The following SMYD3 variants were observed in gnomAD, a reference collection of about 807,000 sequenced individuals.
SMYD3 encodes the protein SET and MYND domain containing 3.
Under a neutral mutation model 57.7 loss-of-function variants are expected in SMYD3, and 36 were observed. The observed-to-expected ratio is 0.62, with a 90% CI of 0.48 to 0.82. The LOEUF (loss-of-function observed/expected upper bound fraction) is 0.82, where lower values mean the gene tolerates loss of function less well. SMYD3 is among the 40% of genes least tolerant of loss of function. The probability of loss-of-function intolerance (pLI) is 0.00; values close to 1 mark genes in which losing one functional copy is unlikely to be tolerated. For missense variants in SMYD3, 515 were observed against 538.8 expected (o/e 0.96, Z 0.44); for synonymous variants, 211 against 195.0 (o/e 1.08, Z -0.68).
intron 10 of SMYD3, among the ~76,000 whole-genome samples, chr1:245,793,103 AT>A (rs2047357224): frequency 3.7e-5 from 4 of 108,250 alleles, no homozygotes; most frequent in Non-Finnish European, 8.6e-5. Flanking sequence ...AAATCAGGAG[AT>A]CAAGACCATC....
intron 1 of SMYD3, among the ~76,000 whole-genome samples, chr1:246,381,997 T>C (rs566073290): frequency 1.8e-4 from 26 of 147,426 alleles, no homozygotes; most frequent in African/African-American, 6.4e-4. Context: ...AACCGCGGGC[T>C]CCAGGTCAGT....
At chr1:245,910,698 T>G (rs367628948) in intron 8 of SMYD3, among the ~76,000 whole-genome samples, 2 of 152,194 alleles carry the variant, frequency 1.3e-5, no homozygotes, top group East Asian at 1.9e-4. Context: ...ATAGCCCATA[T>G]GCAAAAGAAT....
At chr1:245,921,252 G>A (rs2055903846) in intron 7 of SMYD3, among the ~76,000 whole-genome samples, 1 of 152,080 alleles carries the variant, frequency 6.6e-6, no homozygotes, top group African/African-American at 2.4e-5. Flanking sequence ...CAGTCAGAAT[G>A]GCTATTACTA....
rs201922728 is a variant in SMYD3 at position 246,452,246 on chromosome 1, CT to C, written c.164+54807del. 1.2e-4 allele frequency among the ~76,000 whole-genome samples: 18 copies of C among 152,252 alleles called. No homozygotes were observed. The East Asian group carries it at 3.3e-3, about 28-fold the overall frequency. On this transcript the variant is annotated intron_variant, in intron 1 of 11. Coordinates refer to ENST00000490107, the MANE Select transcript of SMYD3 (RefSeq NM_001167740.2). ...GCGGGCCAGGGGCGGTGGCTCACACCTGTAATTCTAGCACTTTGGGAGGCCA... is the reference window on the plus strand; with the variant it reads ...GCGGGCCAGGGGCGGTGGCTCACACCGTAATTCTAGCACTTTGGGAGGCCA...
intron 5 of SMYD3, among the ~76,000 whole-genome samples, chr1:246,286,805 A>G (rs941157158): frequency 1.3e-5 from 2 of 152,096 alleles, no homozygotes; most frequent in Non-Finnish European, 2.9e-5. Flanking sequence ...TCCATTGACC[A>G]TCATTATAAA....
chr1:245,829,829 A>G (rs1257209504), intron 10 of SMYD3, among the ~76,000 whole-genome samples: 1 of 152,226 alleles, frequency 6.6e-6, no homozygotes, highest in East Asian at 1.9e-4. Context: ...AACATGCATG[A>G]ACCTTGAAAC....
chr1:246,049,822 C>T (rs1325552409), intron 5 of SMYD3, among the ~76,000 whole-genome samples: 1 of 152,152 alleles, frequency 6.6e-6, no homozygotes, highest in African/African-American at 2.4e-5. Context: ...CAGTGGCTCA[C>T]AAACCCTCGG....
intron 5 of SMYD3, among the ~76,000 whole-genome samples, chr1:246,094,941 G>A (rs969891232): frequency 1.3e-5 from 2 of 152,050 alleles, no homozygotes; most frequent in East Asian, 1.9e-4. Flanking sequence ...CTGTGGCCCT[G>A]AGTGTTTACG....
intron 5 of SMYD3, among the ~76,000 whole-genome samples, chr1:246,159,564 A>C (rs2062080796): frequency 6.6e-6 from 1 of 150,824 alleles, no homozygotes; most frequent in African/African-American, 2.4e-5. Flanking sequence ...GTAGCCCCGA[A>C]AAAAAAAAAA....
At chr1:245,854,713 T>C (rs952711701) in intron 10 of SMYD3, among the ~76,000 whole-genome samples, 4 of 151,994 alleles carry the variant, frequency 2.6e-5, no homozygotes, top group African/African-American at 9.7e-5. Context: ...AAAAGACCTA[T>C]TGGAAATGAG....
chr1:245,750,405 C>T (rs1214216137), intron 11 of SMYD3, among the ~76,000 whole-genome samples: 1 of 152,150 alleles, frequency 6.6e-6, no homozygotes, highest in Non-Finnish European at 1.5e-5. Context: ...GCAGTCTTAG[C>T]CAAGCTCATC....
At chr1:246,114,275 TGA>T (rs1350817198) in intron 5 of SMYD3, among the ~76,000 whole-genome samples, 1 of 152,146 alleles carries the variant, frequency 6.6e-6, no homozygotes, top group Non-Finnish European at 1.5e-5. Context: ...CAGCAATCAC[TGA>T]GAGACTGGGA....
intron 5 of SMYD3, among the ~76,000 whole-genome samples, chr1:246,074,913 TACAC>T (rs60103366): frequency 0.057 from 8,519 of 148,368 alleles, 445 homozygotes; most frequent in East Asian, 0.18. Context: ...GCTAAAGCAA[TACAC>T]ACACACACAC....
At chr1:245,900,360 G>T (rs1213898643) in intron 8 of SMYD3, among the ~76,000 whole-genome samples, 9 of 152,192 alleles carry the variant, frequency 5.9e-5, no homozygotes, top group Admixed American at 5.9e-4. Flanking sequence ...GCAATAAAGT[G>T]TAGGTAGATA....
At chr1:246,212,855 C>G (rs756380606) in intron 5 of SMYD3, among the ~76,000 whole-genome samples, 2 of 152,086 alleles carry the variant, frequency 1.3e-5, no homozygotes, top group Middle Eastern at 3.2e-3. Flanking sequence ...GTACCAAGCA[C>G]AAGGCATACA....
intron 5 of SMYD3, among the ~76,000 whole-genome samples, chr1:246,253,841 T>C (rs1160388102): frequency 6.6e-6 from 1 of 152,202 alleles, no homozygotes. Context: ...GTAGAATTAT[T>C]TGTTCTCTTT....
chr1:246,032,464 A>C (rs1302462855), intron 5 of SMYD3, among the ~76,000 whole-genome samples: 3 of 152,226 alleles, frequency 2.0e-5, no homozygotes, highest in Non-Finnish European at 4.4e-5. Flanking sequence ...CTAGCACTGA[A>C]GGAGAGACAG....
At chr1:246,004,518 T>C (rs2059136531) in intron 5 of SMYD3, among the ~76,000 whole-genome samples, 1 of 152,216 alleles carries the variant, frequency 6.6e-6, no homozygotes, top group Admixed American at 6.5e-5. Flanking sequence ...TTAATGGCCA[T>C]GAATGACAGC....
chr1:246,006,977 C>T (rs1184698375), intron 5 of SMYD3, among the ~76,000 whole-genome samples: 9 of 152,200 alleles, frequency 5.9e-5, no homozygotes, highest in African/African-American at 9.6e-5. Flanking sequence ...CCTGCTCACT[C>T]CTCCCTTCCT....
Sources: gnomAD v4.1 joint callset for allele counts (sites outside exome capture counted in the v4.1 genomes callset) on GRCh38, gnomAD v4.1.1 for gene constraint, MANE v1.5 for transcripts, NCBI Gene and HGNC (gene_info 2026-07-23, HGNC 2026-07-21) for gene names.